Variants in LONP1 observed in about 807,000 individuals in gnomAD.
LONP1 encodes the protein lon protease homolog, mitochondrial.
Under a neutral mutation model 98.5 loss-of-function variants are expected in LONP1, and 31 were observed. That is an observed-to-expected ratio of 0.31 (90% confidence interval 0.24 to 0.42). LONP1 has a LOEUF of 0.42. LONP1 is among the 20% of genes least tolerant of loss of function. LONP1 has a pLI of 1.00. For synonymous variants in LONP1, 781 were observed against 594.7 expected (o/e 1.31, Z -4.56); for missense variants, 1,336 against 1,350.6 (o/e 0.99, Z 0.17).
chr19:5,717,197 T>G (rs1382021770), intron 1 of LONP1, among the ~76,000 whole-genome samples: 2 of 152,218 alleles, frequency 1.3e-5, no homozygotes, highest in Non-Finnish European at 2.9e-5. Flanking sequence ...CAAAAGTTGC[T>G]AATAGGAGAG....
chr19:5,715,038 C>T (rs1482256139), intron 1 of LONP1: 8 of 121,190 alleles, frequency 6.6e-5, no homozygotes, highest in South Asian at 2.5e-4. Flanking sequence ...GGTTTGGGAA[C>T]GCCTAAACAA....
rs535684252 is a variant in LONP1 at position 5,698,040 on chromosome 19, C to T, written c.1685+987G>A. 2.6e-3 allele frequency among the ~76,000 whole-genome samples: 375 copies of T among 146,248 alleles called. 3 individuals carry two copies. Among genetic ancestry groups the T allele is most frequent in the African/African-American group, 9.1e-3 (357 of 39,398 alleles). ...GCTCAGACCCCAGCCCAACCAAGGGCCTGCAGAACAGGTCCCCTGTCCTCC... is the reference window on the plus strand; with the variant it reads ...GCTCAGACCCCAGCCCAACCAAGGGTCTGCAGAACAGGTCCCCTGTCCTCC... On this transcript the variant is annotated intron_variant, in intron 10 of 17. Transcript: ENST00000360614.
chr19:5,694,971 C>G, intron 13 of LONP1, 70 bp from the exon 14 acceptor site: 1 of 1,522,084 alleles, frequency 6.6e-7, no homozygotes, highest in Non-Finnish European at 8.9e-7. Context: ...AACCTGGGAG[C>G]CAATGCCTCT....
At position 5,703,728 on chromosome 19, in the gene LONP1, G is replaced by T. The variant is rs910727422; in HGVS notation, c.1367+2044C>A. On this transcript the variant is annotated intron_variant, in intron 8 of 17. Coordinates refer to ENST00000360614, the MANE Select transcript of LONP1 (RefSeq NM_004793.4). ...AGTGACACAGGCAGTGACACTTTGC[G>T]GAGAGCATTCTGGGTGGGAGAGGTA... 4.6e-5 allele frequency among the ~76,000 whole-genome samples: 7 copies of T among 151,934 alleles called. No homozygotes were observed. In the South Asian group the frequency reaches 1.5e-3, roughly 32 times the overall value.
chr19:5,708,065 C>T, intron 5 of LONP1: 1 of 611,014 alleles, frequency 1.6e-6, no homozygotes, highest in Non-Finnish European at 2.9e-6. Context: ...GTGCAGTGAC[C>T]TCACCTCAGC....
chr19:5,706,741 G>A (rs1015050339), intron 7 of LONP1, among the ~76,000 whole-genome samples: 4 of 152,186 alleles, frequency 2.6e-5, no homozygotes. Flanking sequence ...TTCCCAGGCT[G>A]CTTTCCAATT....
chr19:5,702,509 C>T (rs550309073), intron 8 of LONP1, among the ~76,000 whole-genome samples: 22 of 152,222 alleles, frequency 1.4e-4, no homozygotes, highest in South Asian at 4.1e-4. Context: ...CCCGGCCAGC[C>T]GCCCCATCTG....
At chr19:5,702,294 G>T (rs535868489) in intron 8 of LONP1, among the ~76,000 whole-genome samples, 1 of 145,896 alleles carries the variant, frequency 6.9e-6, no homozygotes, top group African/African-American at 2.6e-5. Context: ...TGCCCCATCC[G>T]GGAGGGAGGT....
At chr19:5,696,483 A>C in intron 11 of LONP1, 112 bp from the exon 12 acceptor site, 1 of 1,446,648 alleles carries the variant, frequency 6.9e-7, no homozygotes, top group Non-Finnish European at 9.4e-7. Context: ...CGGCACCCAC[A>C]CCCTGCCTTG....
chr19:5,692,787 C>T (rs1029344546), intron 17 of LONP1, among the ~76,000 whole-genome samples: 3 of 152,190 alleles, frequency 2.0e-5, no homozygotes, highest in African/African-American at 7.2e-5. Flanking sequence ...AAGGTGGTCA[C>T]AGCCACTTGA....
At chr19:5,707,595 TG>T (rs1487353862) in intron 6 of LONP1, 101 bp downstream of exon 6, 2 of 1,258,124 alleles carry the variant, frequency 1.6e-6, no homozygotes. Context: ...CAGCCAGGCA[TG>T]GGGGAGCTGA....
intron 8 of LONP1, among the ~76,000 whole-genome samples, chr19:5,704,104 C>T (rs2055104941): frequency 1.3e-5 from 2 of 152,182 alleles, no homozygotes; most frequent in African/African-American, 4.8e-5. Context: ...GCCCAGGTTC[C>T]TCACCAGGTC....
chr19:5,694,745 C>A lies in LONP1; in HGVS notation c.2154+16G>T. The A allele has an allele frequency of 6.3e-7, 1 of 1,581,832 alleles. No homozygotes were observed. Among genetic ancestry groups the A allele is most frequent in the South Asian group, 1.1e-5 (1 of 89,922 alleles). Reference sequence around the variant, plus strand: ...AGGTGGGCGGCAGGTGCCAGGAGGGCGGGCTGGCCGCTCACCTTCTCCACT... The same window carrying A: ...AGGTGGGCGGCAGGTGCCAGGAGGGAGGGCTGGCCGCTCACCTTCTCCACT... On this transcript the variant is annotated intron_variant, in intron 14 of 17. Coordinates refer to ENST00000360614, the MANE Select transcript of LONP1 (RefSeq NM_004793.4).
intron 4 of LONP1, chr19:5,708,699 T>C (rs900873371): frequency 2.5e-5 from 9 of 355,566 alleles, no homozygotes; most frequent in Non-Finnish European, 4.8e-5. Context: ...AGACTGTGTT[T>C]TCTTTCCTCC....
intron 14 of LONP1, 63 bp downstream of exon 14, chr19:5,694,698 G>A (rs2054894227): frequency 1.3e-6 from 2 of 1,574,388 alleles, no homozygotes; most frequent in African/African-American, 1.3e-5. Context: ...TGGAAAGGTG[G>A]GGTGATCAGC....
At chr19:5,702,067 G>C (rs924299951) in intron 8 of LONP1, among the ~76,000 whole-genome samples, 34 of 134,796 alleles carry the variant, frequency 2.5e-4, no homozygotes, top group Non-Finnish European at 5.2e-4. Flanking sequence ...CCCCGTCCGG[G>C]AGGGAGGTGG....
rs960583913 is a variant in LONP1, at chr19:5,699,263, A to G, written c.1507-58T>C. The G allele has an allele frequency of 5.0e-6, 7 of 1,391,242 alleles. No homozygotes were observed. In the Admixed American group the frequency reaches 7.5e-5, roughly 15 times the overall value. The allele number at this position is 1,391,242 out of a possible 1,614,324, so 86.2% of individuals were successfully genotyped here. A position where few individuals can be genotyped will look rare whatever the true frequency, so the allele number is the denominator to read the frequency against. On this transcript the variant is annotated intron_variant, in intron 9 of 17. Transcript: ENST00000360614. ...AGCTGGGGAAGCCGGGGACCCGCGC[A>G]TGACTCTCGCCACCTGCACACTGCC...
intron 1 of LONP1, among the ~76,000 whole-genome samples, chr19:5,716,959 A>G (rs1447076751): frequency 6.6e-6 from 1 of 151,896 alleles, no homozygotes; most frequent in African/African-American, 2.4e-5. Flanking sequence ...ACTCCAGGCT[A>G]ATTTTTTTGT....
intron 15 of LONP1, among the ~76,000 whole-genome samples, 165 bp from the exon 16 acceptor site, chr19:5,693,934 G>C (rs2054878048): frequency 6.6e-6 from 1 of 152,192 alleles, no homozygotes; most frequent in Admixed American, 6.5e-5. Flanking sequence ...CTCTACGTTT[G>C]CTGCGTTGCG....
Sources: gnomAD v4.1 joint callset for allele counts (sites outside exome capture counted in the v4.1 genomes callset) on GRCh38, gnomAD v4.1.1 for gene constraint, MANE v1.5 for transcripts, NCBI Gene and HGNC (gene_info 2026-07-23, HGNC 2026-07-21) for gene names.